The following MAGI2 variants were observed in gnomAD, a reference collection of about 807,000 sequenced individuals.
MAGI2 encodes membrane associated guanylate kinase, WW and PDZ domain containing 2.
MAGI2 carries 35 observed loss-of-function variants against 133.3 expected under a neutral mutation model. The observed-to-expected ratio is 0.26, with a 90% confidence interval of 0.20 to 0.35. The LOEUF (loss-of-function observed/expected upper bound fraction) is 0.35. Ranked by LOEUF, MAGI2 falls within the 10% of genes least tolerant of loss-of-function variation. The pLI is 1.00. For missense variants in MAGI2, 1,636 were observed against 1,863.4 expected (o/e 0.88, Z 2.25); for synonymous variants, 729 against 710.6 (o/e 1.03, Z -0.41).
intron 1 of MAGI2, among the ~76,000 whole-genome samples, chr7:79,108,541 T>C (rs1818635080): frequency 6.6e-6 from 1 of 152,226 alleles, no homozygotes. Flanking sequence ...CTGATTGTGA[T>C]TAATACATAC....
rs1829382074 is a variant in MAGI2 at position 78,202,802 on chromosome 7, G to A, written c.2048-1609C>T. 3.3e-5 allele frequency among the ~76,000 whole-genome samples: 5 copies of A among 151,886 alleles called. No homozygotes were observed. In the South Asian group the frequency reaches 1.0e-3, roughly 32 times the overall value. On this transcript the variant is annotated intron_variant, in intron 10 of 21. Transcript: ENST00000354212. ...AATAACCATCTTACCCAAGAAGTTG[G>A]TAAAATTAGCTCTCTTTCTGTCTTA...
chr7:79,315,681 A>G (rs1389552950), intron 1 of MAGI2, among the ~76,000 whole-genome samples: 1 of 152,146 alleles, frequency 6.6e-6, no homozygotes, highest in East Asian at 1.9e-4. Flanking sequence ...ACAGGAATGT[A>G]TTGAGGCTGG....
chr7:78,964,273 A>G (rs1215469457), intron 2 of MAGI2, among the ~76,000 whole-genome samples: 2 of 152,008 alleles, frequency 1.3e-5, no homozygotes, highest in Non-Finnish European at 2.9e-5. Flanking sequence ...GTATTTTTCC[A>G]TAAACATTTT....
chr7:79,136,320 T>C lies in MAGI2; in HGVS notation c.302-129114A>G, dbSNP rs181501112. 1.6e-3 allele frequency among the ~76,000 whole-genome samples: 245 copies of C among 152,316 alleles called. 2 individuals are homozygous for C. Among genetic ancestry groups the C allele is most frequent in the African/African-American group, 5.5e-3 (227 of 41,560 alleles). On this transcript the variant is annotated intron_variant, in intron 1 of 21. Coordinates refer to ENST00000354212, the MANE Select transcript of MAGI2 (RefSeq NM_012301.4). ...CAAGAAAGCTAAGTTCTAATCTAGA[T>C]TCTGTCTTTGATACACTGGGAGCTT...
chr7:78,630,303 T>A (rs1452628536), intron 2 of MAGI2, among the ~76,000 whole-genome samples: 1 of 152,164 alleles, frequency 6.6e-6, no homozygotes, highest in African/African-American at 2.4e-5. Flanking sequence ...TTTCTTCCAT[T>A]CTTCTAACGG....
intron 2 of MAGI2, among the ~76,000 whole-genome samples, chr7:78,856,990 A>C (rs137913713): frequency 3.8e-4 from 58 of 152,212 alleles, no homozygotes; most frequent in African/African-American, 1.3e-3. Context: ...TTGGATTCCT[A>C]GGTATTCTAT....
At chr7:78,601,040 C>T (rs566330407) in intron 3 of MAGI2, among the ~76,000 whole-genome samples, 2 of 152,224 alleles carry the variant, frequency 1.3e-5, no homozygotes, top group East Asian at 3.9e-4. Context: ...AAGTAAAATA[C>T]ATTTATCTGA....
chr7:78,081,736 TG>T (rs144271702), intron 20 of MAGI2, among the ~76,000 whole-genome samples: 1,904 of 152,290 alleles, frequency 0.013, 21 homozygotes, highest in Non-Finnish European at 0.019. Context: ...AAGTTAAGCA[TG>T]GGGTAACCTG....
At chr7:78,828,073 C>T (rs1790823541) in intron 2 of MAGI2, among the ~76,000 whole-genome samples, 1 of 152,118 alleles carries the variant, frequency 6.6e-6, no homozygotes, top group Non-Finnish European at 1.5e-5. Context: ...TTAGTAGAGA[C>T]AGGGTTTCAC....
intron 3 of MAGI2, among the ~76,000 whole-genome samples, chr7:78,573,965 C>A (rs1324905600): frequency 1.3e-5 from 2 of 152,182 alleles, no homozygotes; most frequent in African/African-American, 2.4e-5. Context: ...AGCCCTGCCC[C>A]TGGGTATGCC....
intron 6 of MAGI2, among the ~76,000 whole-genome samples, chr7:78,379,038 C>T (rs187634049): frequency 5.7e-4 from 87 of 151,910 alleles, no homozygotes; most frequent in African/African-American, 1.9e-3. Flanking sequence ...AACATTAGAA[C>T]ACAATTAAAA....
chr7:79,276,785 G>A lies in MAGI2; in HGVS notation c.301+176235C>T, dbSNP rs182125806. 1.6e-3 allele frequency among the ~76,000 whole-genome samples: 238 copies of A among 152,114 alleles called. 1 individual carries two copies. Among genetic ancestry groups the A allele is most frequent in the African/African-American group, 5.5e-3 (228 of 41,512 alleles). On this transcript the variant is annotated intron_variant, in intron 1 of 21. Coordinates refer to ENST00000354212, the MANE Select transcript of MAGI2 (RefSeq NM_012301.4). ...TCAAGACCAACCTGGACAACATGGC[G>A]AAACCTCATCTTTACAAAAAAATTC...
At chr7:78,155,293 T>A (rs1306109039) in intron 16 of MAGI2, among the ~76,000 whole-genome samples, 1 of 152,180 alleles carries the variant, frequency 6.6e-6, no homozygotes, top group African/African-American at 2.4e-5. Flanking sequence ...ATGCCCAGGA[T>A]GCTTCCCTGT....
intron 6 of MAGI2, among the ~76,000 whole-genome samples, chr7:78,448,823 T>C (rs1788421731): frequency 6.6e-6 from 1 of 152,080 alleles, no homozygotes; most frequent in South Asian, 2.1e-4. Context: ...GCTCATTGTG[T>C]GTATCATTAA....
intron 2 of MAGI2, among the ~76,000 whole-genome samples, chr7:78,827,514 C>G (rs1201087267): frequency 6.6e-6 from 1 of 152,074 alleles, no homozygotes. Flanking sequence ...TGGACTTAAG[C>G]AATCCTCCCG....
At chr7:78,290,672 T>C (rs1796611368) in intron 9 of MAGI2, among the ~76,000 whole-genome samples, 1 of 152,168 alleles carries the variant, frequency 6.6e-6, no homozygotes, top group African/African-American at 2.4e-5. Flanking sequence ...ATTGCACTTA[T>C]TCCAAAATTG....
At chr7:79,209,606 C>T (rs1829333018) in intron 1 of MAGI2, among the ~76,000 whole-genome samples, 1 of 152,018 alleles carries the variant, frequency 6.6e-6, no homozygotes, top group Admixed American at 6.6e-5. Context: ...AAGGGCACAA[C>T]TAGGACAGCC....
chr7:79,449,897 T>TATATATATATATATATATATATATATA (rs1491494586), intron 1 of MAGI2, among the ~76,000 whole-genome samples: 5 of 132,328 alleles, frequency 3.8e-5, no homozygotes, highest in Admixed American at 7.6e-5. Context: ...TATATATATA[T>TATATATATATATATATATATATATATA]AATGTCTTAA....
At chr7:78,997,176 A>G (rs1222854670) in intron 2 of MAGI2, among the ~76,000 whole-genome samples, 1 of 152,168 alleles carries the variant, frequency 6.6e-6, no homozygotes, top group Non-Finnish European at 1.5e-5. Context: ...GAATGGAGAT[A>G]TTGTGCAGAT....
Sources: gnomAD v4.1 joint callset for allele counts (sites outside exome capture counted in the v4.1 genomes callset) on GRCh38, gnomAD v4.1.1 for gene constraint, MANE v1.5 for transcripts, NCBI Gene and HGNC (gene_info 2026-07-23, HGNC 2026-07-21) for gene names.